Variants in ABCA13 observed in about 807,000 individuals in gnomAD.
ABCA13 encodes the protein ATP binding cassette subfamily A member 13.
ABCA13 carries 476 observed loss-of-function variants against 478.7 expected under a neutral mutation model. The ratio of observed to expected loss-of-function variants is 0.99; its 90% CI spans 0.92 to 1.07. The LOEUF is 1.07. ABCA13 is among the 50% of genes least tolerant of loss of function. The pLI is 0.00. For missense variants in ABCA13, 6,060 were observed against 5,910.6 expected (o/e 1.03, Z -0.83); for synonymous variants, 2,252 against 2,158.9 (o/e 1.04, Z -1.20).
chr7:48,593,229 G>GT (rs942182853), intron 57 of ABCA13, among the ~76,000 whole-genome samples: 39 of 135,156 alleles, frequency 2.9e-4, no homozygotes, highest in South Asian at 6.9e-4. Context: ...ATTCATTTCT[G>GT]TTTTTTTTTC....
At chr7:48,304,486 TA>T (rs1270955597) in intron 23 of ABCA13, among the ~76,000 whole-genome samples, 4 of 152,240 alleles carry the variant, frequency 2.6e-5, no homozygotes, top group African/African-American at 9.6e-5. Flanking sequence ...AAACATCTTT[TA>T]TTTTTTGACT....
At chr7:48,386,704 C>A (rs538114178) in intron 35 of ABCA13, among the ~76,000 whole-genome samples, 1 of 152,192 alleles carries the variant, frequency 6.6e-6, no homozygotes, top group South Asian at 2.1e-4. Flanking sequence ...GAAACTGAAC[C>A]CCTTCCTTAT....
intron 29 of ABCA13, among the ~76,000 whole-genome samples, chr7:48,339,224 T>G (rs988917250): frequency 6.6e-6 from 1 of 152,230 alleles, no homozygotes; most frequent in Non-Finnish European, 1.5e-5. Flanking sequence ...GCAAGACATT[T>G]TATTCGGCAT....
rs1554419787 is a variant in ABCA13 at position 48,293,203 on chromosome 7, G to GCC, written c.8956-2496_8956-2495dup. ...CTGAGAAGTCTTCAGCCCCCCCCCC[G>GCC]CCACACACACACTAAATCTACCTCA... On this transcript the variant is annotated intron_variant, in intron 20 of 61. Transcript: ENST00000435803. Among the ~76,000 whole-genome samples, 16 of 114,998 alleles carry GCC rather than the reference G, an allele frequency of 1.4e-4. 2 individuals are homozygous for GCC. The South Asian group carries it at 2.4e-3, about 17-fold the overall frequency. 75.4% of individuals were successfully genotyped at this position (114,998 alleles called of 152,430 possible). A position where few individuals can be genotyped will look rare whatever the true frequency, so the allele number is the denominator to read the frequency against.
rs776382690 is a variant in ABCA13, at chr7:48,455,098, C to G, written c.12627C>G (p.Ala4209=). Residue 4209 remains alanine (A), a synonymous_variant, in exon 43 of 62, where the codon GCC becomes GCG. Coordinates refer to ENST00000435803, the MANE Select transcript of ABCA13 (RefSeq NM_152701.5). Reference sequence around the variant, plus strand: ...TCCAGCTGCTCCGCGCACAAGTGGCCGCGATCCTGGCCCGGAGGCTCCGCC... The same window carrying G: ...TCCAGCTGCTCCGCGCACAAGTGGCGGCGATCCTGGCCCGGAGGCTCCGCC... ...QGVQLLRAQV[A]AILARRLRRT... is the part of the protein sequence containing the mutation. The G allele has an allele frequency of 6.6e-5, 103 of 1,551,414 alleles. No homozygotes were observed. The Admixed American group carries it at 8.4e-4, about 13-fold the overall frequency.
intron 55 of ABCA13, among the ~76,000 whole-genome samples, chr7:48,539,838 T>C (rs1393220459): frequency 6.6e-6 from 1 of 152,314 alleles, no homozygotes; most frequent in South Asian, 2.1e-4. Context: ...AACTAACTTA[T>C]ATGAAGAAAA....
chr7:48,458,737 A>G (rs1160483036), intron 43 of ABCA13, among the ~76,000 whole-genome samples: 1 of 152,218 alleles, frequency 6.6e-6, no homozygotes, highest in African/African-American at 2.4e-5. Flanking sequence ...AAGGGAACAG[A>G]TGACACCCCC....
intron 48 of ABCA13, 100 bp from the exon 49 acceptor site, chr7:48,506,236 A>T: frequency 7.7e-7 from 1 of 1,302,202 alleles, no homozygotes. Flanking sequence ...CAAGCAGGAT[A>T]CATTGTGATG....
chr7:48,355,239 G>A (rs931216364), intron 31 of ABCA13, among the ~76,000 whole-genome samples: 21 of 151,908 alleles, frequency 1.4e-4, no homozygotes, highest in African/African-American at 4.9e-4. Context: ...ATGTGGATGG[G>A]GTAGACCCTA....
chr7:48,389,294 G>A (rs1301200549), intron 37 of ABCA13, 74 bp downstream of exon 37: 17 of 1,488,330 alleles, frequency 1.1e-5, no homozygotes, highest in Non-Finnish European at 4.5e-6. Context: ...TGAGACAGAA[G>A]GTTTGATTTC....
At chr7:48,572,587 TG>T (rs1787776259) in intron 55 of ABCA13, among the ~76,000 whole-genome samples, 1 of 152,204 alleles carries the variant, frequency 6.6e-6, no homozygotes, top group Non-Finnish European at 1.5e-5. Flanking sequence ...ATTGAATTCA[TG>T]GATAAAGTTG....
At chr7:48,191,453 G>A (rs1444206915) in intron 1 of ABCA13, among the ~76,000 whole-genome samples, 4 of 152,172 alleles carry the variant, frequency 2.6e-5, no homozygotes, top group African/African-American at 4.8e-5. Flanking sequence ...CCAGGCTGGC[G>A]TGCAGTGTGG....
At chr7:48,637,486 T>C (rs571573947) in intron 59 of ABCA13, among the ~76,000 whole-genome samples, 128 of 146,866 alleles carry the variant, frequency 8.7e-4, no homozygotes, top group African/African-American at 3.1e-3. Context: ...GGTGTGAGAA[T>C]AGCTTGGTGG....
intron 5 of ABCA13, among the ~76,000 whole-genome samples, chr7:48,224,421 G>T (rs936886243): frequency 3.3e-5 from 5 of 152,142 alleles, no homozygotes; most frequent in Non-Finnish European, 7.4e-5. Context: ...CAGTACCTTT[G>T]TTCCTGAGAG....
At chr7:48,429,223 A>G (rs930441772) in intron 42 of ABCA13, among the ~76,000 whole-genome samples, 8 of 152,266 alleles carry the variant, frequency 5.3e-5, no homozygotes, top group African/African-American at 1.9e-4. Flanking sequence ...CCAGTTTTTT[A>G]CTATTGCAAA....
intron 31 of ABCA13, among the ~76,000 whole-genome samples, chr7:48,364,458 A>T (rs1341750000): frequency 6.6e-6 from 1 of 152,174 alleles, no homozygotes; most frequent in Non-Finnish European, 1.5e-5. Flanking sequence ...TTTGAAATAT[A>T]CAAGTTATTG....
chr7:48,356,967 A>G (rs2128995452), intron 31 of ABCA13, among the ~76,000 whole-genome samples: 1 of 152,076 alleles, frequency 6.6e-6, no homozygotes, highest in East Asian at 1.9e-4. Context: ...TTGAAAGGTC[A>G]CCTGTTATTT....
At chr7:48,230,082 G>C (rs60553397) in intron 7 of ABCA13, 127 bp downstream of exon 7, 1,055,513 of 1,175,180 alleles carry the variant, frequency 0.9, 474,628 homozygotes, top group African/African-American at 0.96. Context: ...AAAAAAGTAT[G>C]AATTGTTTCT....
chr7:48,389,334 A>G (rs559932077), intron 37 of ABCA13, 114 bp downstream of exon 37: 2 of 1,237,456 alleles, frequency 1.6e-6, no homozygotes, highest in East Asian at 2.6e-5. Flanking sequence ...TTGAGTCTCA[A>G]TACAGAGTTT....
Sources: gnomAD v4.1 joint callset for allele counts (sites outside exome capture counted in the v4.1 genomes callset) on GRCh38, gnomAD v4.1.1 for gene constraint, MANE v1.5 for transcripts, NCBI Gene and HGNC (gene_info 2026-07-23, HGNC 2026-07-21) for gene names.